The following SEMA6A variants were observed in gnomAD, a reference collection of about 807,000 sequenced individuals.
The protein encoded by SEMA6A is semaphorin 6A, also known as semaphorin-6A.
A neutral mutation model predicts 96.8 loss-of-function variants in SEMA6A; 25 were observed. That is an observed-to-expected ratio of 0.26 (90% CI 0.19 to 0.36). The LOEUF (loss-of-function observed/expected upper bound fraction) is 0.36. SEMA6A is among the 10% of genes least tolerant of loss of function. The probability of loss-of-function intolerance (pLI) is 1.00; values close to 1 mark genes in which losing one functional copy is unlikely to be tolerated. For synonymous variants in SEMA6A, 612 were observed against 518.0 expected (o/e 1.18, Z -2.46); for missense variants, 1,363 against 1,323.1 (o/e 1.03, Z -0.47).
rs973995721 is a variant in SEMA6A at position 116,445,855 on chromosome 5, C to A, written c.*758G>T. The A allele has an allele frequency of 6.6e-6, 1 of 152,558 alleles. No individual in the cohort carries two copies. Among genetic ancestry groups the A allele is most frequent in the Non-Finnish European group, 1.5e-5 (1 of 68,032 alleles). The allele number at this position is 152,558 out of a possible 1,614,324, so 9.5% of individuals were successfully genotyped here. The stretch of plus-strand genomic sequence containing the variant: ...TCAATGGGCTTTCTGAAGAGCTGTT[C>A]ATAGGATGATATTTGGAAGAGTCCT... On this transcript the variant is annotated 3_prime_UTR_variant, in exon 19 of 19. Coordinates refer to ENST00000343348, the MANE Select transcript of SEMA6A (RefSeq NM_020796.5).
intron 17 of SEMA6A, chr5:116,468,747 T>C (rs1027616136): frequency 6.6e-6 from 1 of 152,224 alleles, no homozygotes; most frequent in African/African-American, 2.4e-5. Flanking sequence ...AGTGGAGTTA[T>C]TGGCTTACAC....
intron 1 of SEMA6A, among the ~76,000 whole-genome samples, chr5:116,547,346 A>G (rs1760227061): frequency 6.6e-6 from 1 of 152,128 alleles, no homozygotes; most frequent in Non-Finnish European, 1.5e-5. Context: ...CATGCACTAA[A>G]CCCTCTGAAT....
chr5:116,459,563 T>C (rs1450833032), intron 18 of SEMA6A, among the ~76,000 whole-genome samples: 1 of 152,156 alleles, frequency 6.6e-6, no homozygotes, highest in African/African-American at 2.4e-5. Flanking sequence ...CTCTTTATTA[T>C]TACACTCTGT....
intron 18 of SEMA6A, among the ~76,000 whole-genome samples, chr5:116,448,603 C>A (rs1050395714): frequency 6.6e-6 from 1 of 152,006 alleles, no homozygotes; most frequent in Non-Finnish European, 1.5e-5. Context: ...TCCGACGGCC[C>A]CCTTGTGGCC....
chr5:116,454,795 T>A lies in SEMA6A; in HGVS notation c.1895-6984A>T, dbSNP rs1754895975. 4.0e-5 allele frequency among the ~76,000 whole-genome samples: 6 copies of A among 149,836 alleles called. No individual in the cohort carries two copies. The South Asian group carries it at 1.3e-3, about 32-fold the overall frequency. ...AAAGTTTCCTTTTCCTTTAAGTGTGTGTGTGTGTGTGTGTGCATGTGTGTG... is the reference window on the plus strand; with the variant it reads ...AAAGTTTCCTTTTCCTTTAAGTGTGAGTGTGTGTGTGTGTGCATGTGTGTG... On this transcript the variant is annotated intron_variant, in intron 18 of 18. Coordinates refer to ENST00000343348, the MANE Select transcript of SEMA6A (RefSeq NM_020796.5).
At chr5:116,547,985 T>C (rs1356299914) in intron 1 of SEMA6A, among the ~76,000 whole-genome samples, 1 of 152,094 alleles carries the variant, frequency 6.6e-6, no homozygotes, top group Non-Finnish European at 1.5e-5. Context: ...GACTCTGACC[T>C]TCATGGTAGC....
intron 10 of SEMA6A, 100 bp downstream of exon 10, chr5:116,486,649 A>G (rs1462786027): frequency 3.1e-6 from 3 of 953,160 alleles, no homozygotes; most frequent in Non-Finnish European, 4.9e-6. Context: ...AATGAATGCA[A>G]TTTTCAGTCA....
chr5:116,455,755 G>A (rs528189632), intron 18 of SEMA6A, among the ~76,000 whole-genome samples: 66 of 152,262 alleles, frequency 4.3e-4, no homozygotes, highest in Admixed American at 7.2e-4. Flanking sequence ...TGAGATCTGG[G>A]TTAAAGATGA....
chr5:116,563,296 T>C (rs919474495), intron 1 of SEMA6A, among the ~76,000 whole-genome samples: 3 of 152,172 alleles, frequency 2.0e-5, no homozygotes, highest in African/African-American at 7.2e-5. Flanking sequence ...GGTAAATTCC[T>C]TTAAAATTAG....
chr5:116,529,738 G>A (rs1377589395), intron 1 of SEMA6A, among the ~76,000 whole-genome samples: 6 of 152,050 alleles, frequency 3.9e-5, no homozygotes, highest in African/African-American at 1.4e-4. Context: ...ACTAACACAG[G>A]AACAGAAAAC....
Position 116,446,285 on chromosome 5 carries a change from T to G in SEMA6A, c.*328A>C, listed in dbSNP as rs73781086. On this transcript the variant is annotated 3_prime_UTR_variant, in exon 19 of 19. Transcript: ENST00000343348. ...GTGCATGTGTGTGTGTGTGTGTGTGTGGGGGTGGGGGATGGGGTAGGTATG... is the reference window on the plus strand; with the variant it reads ...GTGCATGTGTGTGTGTGTGTGTGTGGGGGGGTGGGGGATGGGGTAGGTATG... 0.028 allele frequency: 4,394 copies of G among 158,248 alleles called. 105 individuals carry two copies. The highest frequency in any genetic ancestry group is 0.1 in the African/African-American group (2,232 of 21,842). 9.8% of individuals were successfully genotyped at this position (158,248 alleles called of 1,614,324 possible). A position where few individuals can be genotyped will look rare whatever the true frequency, so the allele number is the denominator to read the frequency against.
chr5:116,524,382 A>C (rs1043814689), intron 1 of SEMA6A, among the ~76,000 whole-genome samples: 2 of 152,260 alleles, frequency 1.3e-5, no homozygotes, highest in South Asian at 2.1e-4. Flanking sequence ...GTGTCAGTCC[A>C]GACTTAATTA....
chr5:116,555,907 G>A (rs1457007366), intron 1 of SEMA6A, among the ~76,000 whole-genome samples: 1 of 152,126 alleles, frequency 6.6e-6, no homozygotes, highest in Non-Finnish European at 1.5e-5. Context: ...GAAAATCCCT[G>A]AGTATTGTGT....
chr5:116,447,572 T>A lies in SEMA6A; in HGVS notation c.2134A>T (p.Thr712Ser), dbSNP rs552244528. Residue 712 changes from threonine (T) to serine (S), a missense_variant, in exon 19 of 19, where the codon ACT becomes TCT. Around this residue, in one of 2 missense-constraint regions of SEMA6A, gnomAD observed 883 missense variants for 763.6 expected, o/e 1.16. Transcript: ENST00000343348. Reference sequence around the variant, plus strand: ...TCCGGCTTTGGGTCTTTGGATTGAGTGTCCCCAAAGAGGCCGCTGAGCTTG... The same window carrying A: ...TCCGGCTTTGGGTCTTTGGATTGAGAGTCCCCAAAGAGGCCGCTGAGCTTG... Reference protein sequence around the residue: ...VTKLSGLFGDTQSKDPKPEAI... With the variant: ...VTKLSGLFGDSQSKDPKPEAI... 6.2e-7 allele frequency: 1 copy of A among 1,614,018 alleles called. No individual in the cohort carries two copies. The highest frequency in any genetic ancestry group is 1.1e-5 in the South Asian group (1 of 91,088).
Position 116,483,126 on chromosome 5 carries a change from C to T in SEMA6A, c.963-551G>A, listed in dbSNP as rs949146199. 5.3e-5 allele frequency among the ~76,000 whole-genome samples: 8 copies of T among 152,226 alleles called. No individual in the cohort carries two copies. In the East Asian group the frequency reaches 9.6e-4, roughly 18 times the overall value. ...AAATTTTTACCTTCCTGATTACTTA[C>T]GTAAGACTAAACAATTTAAGTTTCT... On this transcript the variant is annotated intron_variant, in intron 10 of 18. Coordinates refer to ENST00000343348, the MANE Select transcript of SEMA6A (RefSeq NM_020796.5).
chr5:116,539,123 A>G (rs1057349817), intron 1 of SEMA6A, among the ~76,000 whole-genome samples: 15 of 152,160 alleles, frequency 9.9e-5, no homozygotes, highest in African/African-American at 2.2e-4. Context: ...AATGTCCCCA[A>G]AATGGCAGTG....
intron 1 of SEMA6A, among the ~76,000 whole-genome samples, chr5:116,520,439 T>G (rs1758878567): frequency 6.6e-6 from 1 of 152,050 alleles, no homozygotes; most frequent in South Asian, 2.1e-4. Flanking sequence ...TACAGTAAAC[T>G]CTTAACAAAT....
Position 116,512,064 on chromosome 5 carries a change from AAAG to A in SEMA6A, c.-38-7085_-38-7083del, listed in dbSNP as rs1471550229. Among the ~76,000 whole-genome samples, 4 of 152,198 alleles carry A rather than the reference AAAG, an allele frequency of 2.6e-5. No individual in the cohort carries two copies. In the East Asian group the frequency reaches 5.8e-4, roughly 22 times the overall value. ...TCATTCTTGCACCAGAGGAAAATTT[AAAG>A]AAGTAATGAGTGTTTAAATAGTAGG... On this transcript the variant is annotated intron_variant, in intron 1 of 18. Coordinates refer to ENST00000343348, the MANE Select transcript of SEMA6A (RefSeq NM_020796.5).
intron 1 of SEMA6A, among the ~76,000 whole-genome samples, chr5:116,561,809 A>AT (rs1760827837): frequency 6.6e-6 from 1 of 152,214 alleles, no homozygotes; most frequent in East Asian, 1.9e-4. Context: ...TATGAAAACG[A>AT]AAGCATCACC....
Sources: gnomAD v4.1 joint callset for allele counts (sites outside exome capture counted in the v4.1 genomes callset) on GRCh38, gnomAD v4.1.1 for gene constraint, gnomAD v4.1.1 regional missense constraint, MANE v1.5 for transcripts, NCBI Gene and HGNC (gene_info 2026-07-23, HGNC 2026-07-21) for gene names.